The following TRHDE variants were observed in gnomAD, a reference collection of about 807,000 sequenced individuals.
TRHDE encodes thyrotropin releasing hormone degrading enzyme, also known as thyrotropin-releasing hormone-degrading ectoenzyme.
A neutral mutation model predicts 125.7 loss-of-function variants in TRHDE; 72 were observed. The ratio of observed to expected loss-of-function variants is 0.57; its 90% CI spans 0.47 to 0.70. The LOEUF (loss-of-function observed/expected upper bound fraction) is 0.70, where lower values mean the gene tolerates loss of function less well. TRHDE is among the 30% of genes least tolerant of loss of function. The pLI, the probability that TRHDE is intolerant of heterozygous loss-of-function variation, is 0.00. For missense variants in TRHDE, 1,110 were observed against 1,327.1 expected, an observed-to-expected ratio of 0.84 and a Z score of 2.54; for synonymous variants, 509 against 509.1, an observed-to-expected ratio of 1.00 and a Z score of 0.00.
At chr12:72,550,797 T>C (rs1039657680) in intron 7 of TRHDE, among the ~76,000 whole-genome samples, 1 of 151,968 alleles carries the variant, frequency 6.6e-6, no homozygotes, top group Non-Finnish European at 1.5e-5. Flanking sequence ...GTTAAACTAG[T>C]GTATAATGCT....
At chr12:72,200,891 A>G (rs910198644) in intron 2 of TRHDE, among the ~76,000 whole-genome samples, 3 of 152,222 alleles carry the variant, frequency 2.0e-5, no homozygotes, top group Admixed American at 6.5e-5. Flanking sequence ...ACCTAAACCA[A>G]TCTTGTTGGT....
At chr12:72,584,342 T>C (rs1004015417) in intron 12 of TRHDE, among the ~76,000 whole-genome samples, 3 of 152,152 alleles carry the variant, frequency 2.0e-5, no homozygotes, top group African/African-American at 7.2e-5. Context: ...TATATGTATG[T>C]TGTGAAATGG....
At chr12:72,574,868 T>TTAG (rs1436766966) in intron 10 of TRHDE, among the ~76,000 whole-genome samples, 4 of 152,124 alleles carry the variant, frequency 2.6e-5, no homozygotes, top group Admixed American at 6.6e-5. Context: ...CTGAATCAAA[T>TTAG]TAGTAGAATA....
At chr12:72,476,544 G>A (rs772403102) in intron 5 of TRHDE, among the ~76,000 whole-genome samples, 1 of 152,168 alleles carries the variant, frequency 6.6e-6, no homozygotes, top group Non-Finnish European at 1.5e-5. Flanking sequence ...AAGCTTGTCT[G>A]TAAGTGCATG....
At chr12:72,520,569 A>G (rs1041811756) in intron 6 of TRHDE, among the ~76,000 whole-genome samples, 3 of 152,082 alleles carry the variant, frequency 2.0e-5, no homozygotes, top group African/African-American at 7.2e-5. Flanking sequence ...TGAACCCGGT[A>G]CCTCAGATGG....
chr12:72,558,042 G>GGAGA (rs140602723), intron 7 of TRHDE, among the ~76,000 whole-genome samples: 2,089 of 149,660 alleles, frequency 0.014, 45 homozygotes, highest in African/African-American at 0.048. Context: ...GGGAGAGAGA[G>GGAGA]GAGAGAGAGA....
chr12:72,566,622 G>GCTTA (rs140203200), intron 9 of TRHDE, among the ~76,000 whole-genome samples: 5 of 151,816 alleles, frequency 3.3e-5, no homozygotes, highest in Non-Finnish European at 7.4e-5. Flanking sequence ...TGGAAATTAT[G>GCTTA]TTTATATTAG....
At chr12:72,284,725 A>T (rs1036864677) in intron 1 of TRHDE, among the ~76,000 whole-genome samples, 2 of 152,204 alleles carry the variant, frequency 1.3e-5, no homozygotes, top group African/African-American at 4.8e-5. Flanking sequence ...GTGTAACTTC[A>T]GACAAATCAT....
chr12:72,569,121 G>A (rs866661871), intron 10 of TRHDE, among the ~76,000 whole-genome samples: 11 of 152,234 alleles, frequency 7.2e-5, no homozygotes, highest in Admixed American at 2.6e-4. Context: ...GGGGGGCTTG[G>A]ACAGGTTAGC....
chr12:72,541,161 T>C (rs1490606632), intron 6 of TRHDE, among the ~76,000 whole-genome samples: 1 of 151,630 alleles, frequency 6.6e-6, no homozygotes, highest in Non-Finnish European at 1.5e-5. Context: ...ATTGCAGTTG[T>C]ACATTTGTAC....
intron 2 of TRHDE, among the ~76,000 whole-genome samples, chr12:72,148,153 G>C (rs1876271696): frequency 6.6e-6 from 1 of 152,128 alleles, no homozygotes; most frequent in Non-Finnish European, 1.5e-5. Flanking sequence ...GGATCATGGT[G>C]CTTATAAATA....
chr12:72,383,959 TG>T (rs1167171726), intron 3 of TRHDE, among the ~76,000 whole-genome samples: 4 of 152,202 alleles, frequency 2.6e-5, no homozygotes, highest in Admixed American at 1.3e-4. Context: ...CAGCTATTTT[TG>T]TTAATTTTTT....
chr12:72,284,836 A>T (rs1351765911), intron 1 of TRHDE, among the ~76,000 whole-genome samples: 3 of 152,158 alleles, frequency 2.0e-5, no homozygotes, highest in Admixed American at 2.0e-4. Context: ...TCATATGAAG[A>T]TTTACAGTTA....
At chr12:72,580,866 C>T (rs11179260) in intron 12 of TRHDE, among the ~76,000 whole-genome samples, 40,234 of 151,748 alleles carry the variant, frequency 0.27, 7,970 homozygotes, top group East Asian at 0.54. Flanking sequence ...ATGCATGGTA[C>T]GTAACTCACT....
chr12:72,386,203 C>T (rs1872408783), intron 3 of TRHDE, among the ~76,000 whole-genome samples: 1 of 152,186 alleles, frequency 6.6e-6, no homozygotes, highest in Non-Finnish European at 1.5e-5. Context: ...CTAATTCTAA[C>T]AGGATTGTAA....
At chr12:72,564,157 A>T (rs1239216952) in intron 9 of TRHDE, among the ~76,000 whole-genome samples, 2 of 152,108 alleles carry the variant, frequency 1.3e-5, no homozygotes, top group African/African-American at 2.4e-5. Flanking sequence ...TACCTTCAAC[A>T]TGCTACCCTT....
At chr12:72,122,116 C>T (rs553529243) in intron 2 of TRHDE, among the ~76,000 whole-genome samples, 1 of 152,092 alleles carries the variant, frequency 6.6e-6, no homozygotes, top group South Asian at 2.1e-4. Context: ...TTGTTTATTC[C>T]ATTTTGTTCT....
chr12:72,389,470 A>G (rs1345822310), intron 3 of TRHDE, among the ~76,000 whole-genome samples: 3 of 152,180 alleles, frequency 2.0e-5, no homozygotes, highest in Admixed American at 6.5e-5. Context: ...AATACCATAG[A>G]CCGGGTGACT....
intron 2 of TRHDE, among the ~76,000 whole-genome samples, chr12:72,367,522 T>A (rs1348927092): frequency 6.6e-6 from 1 of 152,138 alleles, no homozygotes; most frequent in African/African-American, 2.4e-5. Flanking sequence ...TCATGTGTAT[T>A]TATTTCCCTT....
Sources: gnomAD v4.1 joint callset for allele counts (sites outside exome capture counted in the v4.1 genomes callset) on GRCh38, gnomAD v4.1.1 for gene constraint, MANE v1.5 for transcripts, NCBI Gene and HGNC (gene_info 2026-07-23, HGNC 2026-07-21) for gene names.